ENOX1: variants seen among roughly 807,000 people sequenced by gnomAD.
The protein encoded by ENOX1 is candidate growth-related and time keeping constitutive hydroquinone (NADH) oxidase.
Under a neutral mutation model 82.5 loss-of-function variants are expected in ENOX1, and 42 were observed. The observed-to-expected ratio is 0.51, with a 90% CI of 0.40 to 0.66. The LOEUF (loss-of-function observed/expected upper bound fraction) is 0.66, where lower values mean the gene tolerates loss of function less well. Among genes scored for constraint, ENOX1 ranks in the 30% least tolerant of loss-of-function variants. The pLI, the probability that ENOX1 is intolerant of heterozygous loss-of-function variation, is 0.00. For synonymous variants in ENOX1, 271 were observed against 282.2 expected (o/e 0.96, Z 0.40); for missense variants, 608 against 811.6 (o/e 0.75, Z 3.05).
chr13:43,234,876 A>G (rs770673564), intron 15 of ENOX1, among the ~76,000 whole-genome samples: 3 of 152,246 alleles, frequency 2.0e-5, no homozygotes, highest in Non-Finnish European at 4.4e-5. Context: ...TTTTAAATGA[A>G]CTGTGTTCTC....
intron 1 of ENOX1, among the ~76,000 whole-genome samples, chr13:43,754,353 A>T (rs187011615): frequency 0.11 from 15,207 of 138,764 alleles, 1,352 homozygotes; most frequent in African/African-American, 0.25. Context: ...ATTATTATTT[A>T]TTTTTTTTTT....
chr13:43,434,937 G>GTTTTT (rs537775258), intron 3 of ENOX1, among the ~76,000 whole-genome samples: 12 of 75,886 alleles, frequency 1.6e-4, no homozygotes, highest in South Asian at 4.6e-4. Context: ...TGTGTGTGTG[G>GTTTTT]TTTTTTTTTT....
intron 2 of ENOX1, among the ~76,000 whole-genome samples, chr13:43,532,652 T>G (rs1039689581): frequency 1.3e-5 from 2 of 152,106 alleles, no homozygotes; most frequent in Non-Finnish European, 2.9e-5. Flanking sequence ...TTTCTGAGGC[T>G]GGATTTTCTC....
intron 1 of ENOX1, among the ~76,000 whole-genome samples, chr13:43,740,067 TC>T (rs61397417): frequency 0.093 from 14,166 of 152,186 alleles, 1,090 homozygotes; most frequent in African/African-American, 0.21. Context: ...GTGCAAGTGG[TC>T]GGTGCCCCTA....
At chr13:43,229,887 A>G (rs2042200621) in intron 15 of ENOX1, among the ~76,000 whole-genome samples, 1 of 152,200 alleles carries the variant, frequency 6.6e-6, no homozygotes, top group South Asian at 2.1e-4. Context: ...TAGGGCAGGA[A>G]AAAGGGGAAT....
intron 5 of ENOX1, among the ~76,000 whole-genome samples, chr13:43,397,047 C>T (rs2053197730): frequency 6.6e-6 from 1 of 152,168 alleles, no homozygotes; most frequent in South Asian, 2.1e-4. Context: ...CATGCCCTTC[C>T]CAGTCTTCTC....
intron 1 of ENOX1, among the ~76,000 whole-genome samples, chr13:43,746,375 G>A (rs1043426676): frequency 1.3e-5 from 2 of 152,028 alleles, no homozygotes; most frequent in Non-Finnish European, 2.9e-5. Flanking sequence ...TGTCATGTTA[G>A]GAAAAATTCT....
chr13:43,463,696 A>T (rs1374966303), intron 3 of ENOX1, among the ~76,000 whole-genome samples: 1 of 152,246 alleles, frequency 6.6e-6, no homozygotes, highest in East Asian at 1.9e-4. Context: ...TGTTGTACAC[A>T]TGCCGGCTGA....
At position 43,529,121 on chromosome 13, in the gene ENOX1, C is replaced by T. The variant is rs1261145772; in HGVS notation, c.-218-44969G>A. 5.9e-5 allele frequency among the ~76,000 whole-genome samples: 9 copies of T among 151,970 alleles called. 1 individual carries two copies. The highest frequency in any genetic ancestry group is 2.1e-4 in the South Asian group (1 of 4,824). On this transcript the variant is annotated intron_variant, in intron 2 of 16. Transcript: ENST00000690772. ...CTCCATCCTTAGTTTCACTTTTTTG[C>T]GCTTTAGTTACCCACAGTCAACCAC...
chr13:43,698,284 A>C (rs1594455634), intron 1 of ENOX1, among the ~76,000 whole-genome samples: 1 of 152,334 alleles, frequency 6.6e-6, no homozygotes, highest in African/African-American at 2.4e-5. Flanking sequence ...CCAATACGTA[A>C]GAATCACAAC....
At chr13:43,669,767 C>G (rs778058380) in intron 1 of ENOX1, among the ~76,000 whole-genome samples, 1 of 152,088 alleles carries the variant, frequency 6.6e-6, no homozygotes. Context: ...CGTTGTAATT[C>G]TTGGGAGTTC....
chr13:43,270,103 A>T (rs1310043384), intron 12 of ENOX1, among the ~76,000 whole-genome samples: 11 of 152,184 alleles, frequency 7.2e-5, no homozygotes. Flanking sequence ...AAAACTGCTG[A>T]TATAAACTGT....
intron 3 of ENOX1, among the ~76,000 whole-genome samples, chr13:43,446,212 C>T (rs1007782879): frequency 6.6e-6 from 1 of 151,528 alleles, no homozygotes; most frequent in Non-Finnish European, 1.5e-5. Context: ...AATTTGTAAA[C>T]TGCCATATAA....
chr13:43,320,710 G>A (rs1468267735), intron 11 of ENOX1, among the ~76,000 whole-genome samples: 2 of 152,142 alleles, frequency 1.3e-5, no homozygotes, highest in African/African-American at 2.4e-5. Flanking sequence ...GACTGATGCA[G>A]TTCTTTTCTC....
At chr13:43,481,442 G>A (rs2058505609) in intron 3 of ENOX1, among the ~76,000 whole-genome samples, 1 of 151,928 alleles carries the variant, frequency 6.6e-6, no homozygotes, top group African/African-American at 2.4e-5. Flanking sequence ...AATTGTGCTG[G>A]GAAAACTGTA....
At chr13:43,732,526 A>T (rs865982565) in intron 1 of ENOX1, among the ~76,000 whole-genome samples, 3 of 152,352 alleles carry the variant, frequency 2.0e-5, no homozygotes, top group Middle Eastern at 6.8e-3. Context: ...GTGAGCGCCC[A>T]ATCAGCCACC....
chr13:43,445,338 T>C (rs1394886182), intron 3 of ENOX1, among the ~76,000 whole-genome samples: 6 of 152,132 alleles, frequency 3.9e-5, no homozygotes, highest in Non-Finnish European at 5.9e-5. Context: ...TTAGCCAGGA[T>C]GGTCTTGATC....
At chr13:43,684,647 C>A (rs2085971021) in intron 1 of ENOX1, among the ~76,000 whole-genome samples, 1 of 152,228 alleles carries the variant, frequency 6.6e-6, no homozygotes, top group South Asian at 2.1e-4. Context: ...TGAGGACTAT[C>A]GCCCTACAGA....
chr13:43,714,319 G>A (rs985606794), intron 1 of ENOX1, among the ~76,000 whole-genome samples: 2 of 152,090 alleles, frequency 1.3e-5, no homozygotes, highest in Non-Finnish European at 1.5e-5. Flanking sequence ...TTGCTGAGGA[G>A]TGCTTTACTT....
Sources: allele counts gnomAD v4.1 joint callset (sites outside exome capture counted in the v4.1 genomes callset), GRCh38; gene constraint gnomAD v4.1.1; transcripts MANE v1.5; gene names NCBI Gene and HGNC (gene_info 2026-07-23, HGNC 2026-07-21).